The following CHCHD3 variants were observed in gnomAD, a reference collection of about 807,000 sequenced individuals.
The protein encoded by CHCHD3 is coiled-coil-helix-coiled-coil-helix domain containing 3, also known as MICOS complex subunit MIC19.
In CHCHD3, 20 loss-of-function variants were observed where a neutral mutation model predicts 38.2. That is an observed-to-expected ratio of 0.52 (90% CI 0.37 to 0.76). CHCHD3 has a LOEUF of 0.76. Ranked by LOEUF, CHCHD3 falls within the 30% of genes least tolerant of loss-of-function variation. The pLI is 0.00. For synonymous variants in CHCHD3, 82 were observed against 100.0 expected (o/e 0.82, Z 1.07); for missense variants, 245 against 279.2 (o/e 0.88, Z 0.87).
Position 133,081,888 on chromosome 7 carries a change from T to C in CHCHD3, c.50A>G (p.Asn17Ser), listed in dbSNP as rs1475974035. ...GCCCTTCACCACGGTGATGTTCTCA[T>C]TCTCGTCCGCCTCGAAGGTGACCCG... ...TRRVTFEADENENITVVKGIR... is the reference protein window; with the variant it reads ...TRRVTFEADESENITVVKGIR... The change falls in exon 1 of 8, where the codon AAT (asparagine) becomes AGT (serine). Residue 17 changes from asparagine (N) to serine (S), a missense_variant. By Grantham distance (46) the Asn-to-Ser change is conservative (BLOSUM62 1). Transcript: ENST00000262570. The C allele has an allele frequency of 6.4e-7, 1 of 1,558,890 alleles. No homozygotes were observed. The highest frequency in any genetic ancestry group is 1.9e-5 in the Admixed American group (1 of 52,502).
chr7:132,990,176 AAAAT>A (rs925307816), intron 3 of CHCHD3, among the ~76,000 whole-genome samples: 2 of 152,186 alleles, frequency 1.3e-5, no homozygotes, highest in Non-Finnish European at 2.9e-5. Flanking sequence ...TCCATCTCAA[AAAAT>A]AAATAAATAA....
intron 4 of CHCHD3, among the ~76,000 whole-genome samples, chr7:132,913,038 A>G (rs1053358596): frequency 6.6e-6 from 1 of 152,238 alleles, no homozygotes; most frequent in African/African-American, 2.4e-5. Flanking sequence ...ACAACAAATG[A>G]CACTGTCTAC....
chr7:133,005,841 A>G (rs1325787068), intron 3 of CHCHD3, among the ~76,000 whole-genome samples: 2 of 152,190 alleles, frequency 1.3e-5, no homozygotes, highest in Non-Finnish European at 2.9e-5. Context: ...AAGGTGTAAT[A>G]CTCACCAGTT....
At chr7:133,036,719 G>A (rs1247264244) in intron 2 of CHCHD3, among the ~76,000 whole-genome samples, 2 of 152,160 alleles carry the variant, frequency 1.3e-5, no homozygotes, top group South Asian at 4.1e-4. Context: ...GCCGTAGAAT[G>A]AGGAGGTATT....
chr7:132,999,154 T>A (rs1274543327), intron 3 of CHCHD3, among the ~76,000 whole-genome samples: 1 of 152,142 alleles, frequency 6.6e-6, no homozygotes, highest in African/African-American at 2.4e-5. Flanking sequence ...TAAGGCCCAA[T>A]TTCCAATATT....
At chr7:132,933,466 G>C (rs1810564455) in intron 4 of CHCHD3, among the ~76,000 whole-genome samples, 1 of 152,148 alleles carries the variant, frequency 6.6e-6, no homozygotes. Context: ...ACATAAAATA[G>C]ATTTTCCCTC....
intron 3 of CHCHD3, among the ~76,000 whole-genome samples, chr7:133,007,780 T>C (rs569286494): frequency 6.6e-6 from 1 of 152,312 alleles, no homozygotes; most frequent in African/African-American, 2.4e-5. Flanking sequence ...CTCTAATTCA[T>C]TACAGCCTTC....
chr7:133,072,050 T>TTACTCA (rs1814832455), intron 1 of CHCHD3, among the ~76,000 whole-genome samples: 1 of 151,840 alleles, frequency 6.6e-6, no homozygotes, highest in South Asian at 2.1e-4. Flanking sequence ...CATCAAGTGT[T>TTACTCA]GAATTGCTAC....
chr7:132,853,545 C>A (rs1808269448), intron 5 of CHCHD3, among the ~76,000 whole-genome samples: 2 of 152,120 alleles, frequency 1.3e-5, no homozygotes, highest in African/African-American at 4.8e-5. Flanking sequence ...TCACTTGGAC[C>A]TGGGAGGCGG....
chr7:132,972,643 C>T lies in CHCHD3; in HGVS notation c.369+2526G>A, dbSNP rs375673854. On this transcript the variant is annotated intron_variant, in intron 4 of 7. Coordinates refer to ENST00000262570, the MANE Select transcript of CHCHD3 (RefSeq NM_017812.4). ...TCACTGGCAGCCATGTTGCTGTGGC[C>T]ATGGCAGACCATGCAAATGTCTGAC... 1.0e-5 allele frequency: 10 copies of T among 985,432 alleles called. 1 individual carries two copies. In the African/African-American group the frequency reaches 1.7e-4, roughly 17 times the overall value. 61.0% of individuals were successfully genotyped at this position (985,432 alleles called of 1,614,324 possible).
intron 6 of CHCHD3, among the ~76,000 whole-genome samples, chr7:132,827,409 G>C (rs1807533833): frequency 6.6e-6 from 1 of 152,112 alleles, no homozygotes; most frequent in Admixed American, 6.6e-5. Context: ...TTCTTCCTGA[G>C]GCACAGTCAA....
intron 3 of CHCHD3, among the ~76,000 whole-genome samples, chr7:133,005,250 A>G (rs1812669934): frequency 6.6e-6 from 1 of 152,170 alleles, no homozygotes; most frequent in Admixed American, 6.5e-5. Flanking sequence ...TTCCATCTCT[A>G]AACCACTTAG....
intron 2 of CHCHD3, among the ~76,000 whole-genome samples, chr7:133,048,255 C>G (rs1429785675): frequency 6.6e-6 from 1 of 152,158 alleles, no homozygotes; most frequent in Non-Finnish European, 1.5e-5. Flanking sequence ...CTGCTTATAT[C>G]TGCTAGTACT....
At chr7:132,829,098 AT>A (rs1563248073) in intron 6 of CHCHD3, among the ~76,000 whole-genome samples, 1 of 152,202 alleles carries the variant, frequency 6.6e-6, no homozygotes, top group African/African-American at 2.4e-5. Context: ...TGAAAGCATG[AT>A]TTTTAACTGA....
intron 6 of CHCHD3, 69 bp from the exon 7 acceptor site, chr7:132,796,646 C>A (rs978404163): frequency 4.3e-6 from 6 of 1,401,048 alleles, no homozygotes; most frequent in South Asian, 1.3e-5. Flanking sequence ...GGTTAAAGAA[C>A]ACATAAAACG....
intron 4 of CHCHD3, among the ~76,000 whole-genome samples, chr7:132,931,262 A>G (rs2117255193): frequency 6.6e-6 from 1 of 152,368 alleles, no homozygotes; most frequent in East Asian, 1.9e-4. Flanking sequence ...TCTAAGGACC[A>G]CATGAGATAA....
intron 4 of CHCHD3, among the ~76,000 whole-genome samples, chr7:132,895,859 C>A (rs935108705): frequency 6.6e-5 from 10 of 152,180 alleles, no homozygotes; most frequent in African/African-American, 2.4e-4. Context: ...CAGACTACTA[C>A]AAGAGGATTG....
At chr7:132,896,265 T>C (rs1431978604) in intron 4 of CHCHD3, among the ~76,000 whole-genome samples, 1 of 152,250 alleles carries the variant, frequency 6.6e-6, no homozygotes, top group Non-Finnish European at 1.5e-5. Flanking sequence ...ATATAAGACT[T>C]TGAATCCATT....
chr7:132,865,695 G>A (rs964753949), intron 5 of CHCHD3, among the ~76,000 whole-genome samples: 1 of 152,090 alleles, frequency 6.6e-6, no homozygotes, highest in Non-Finnish European at 1.5e-5. Flanking sequence ...GGGAACCAGG[G>A]AAGAAGAAGA....
Sources: gnomAD v4.1 joint callset for allele counts (sites outside exome capture counted in the v4.1 genomes callset) on GRCh38, gnomAD v4.1.1 for gene constraint, MANE v1.5 for transcripts, NCBI Gene and HGNC (gene_info 2026-07-23, HGNC 2026-07-21) for gene names.